SNAI1: variants seen among roughly 807,000 people sequenced by gnomAD.
SNAI1 encodes the protein zinc finger protein SNAI1.
A neutral mutation model predicts 24.7 loss-of-function variants in SNAI1; 15 were observed. The ratio of observed to expected loss-of-function variants is 0.61; its 90% CI spans 0.41 to 0.93. The LOEUF is 0.93. Ranked by LOEUF, SNAI1 falls within the 40% of genes least tolerant of loss-of-function variation. The pLI, the probability that SNAI1 is intolerant of heterozygous loss-of-function variation, is 0.00. For missense variants in SNAI1, 283 were observed against 336.7 expected, an observed-to-expected ratio of 0.84 and a Z score of 1.25; for synonymous variants, 163 against 142.9, an observed-to-expected ratio of 1.14 and a Z score of -1.00.
At position 49,984,125 on chromosome 20, in the gene SNAI1, C is replaced by T. The variant is rs2078326530; in HGVS notation, c.384C>T (p.Ala128=). ...VSSLEAEAYA[A]FPGLGQVPKQ... ...CCTTGGAGGCCGAGGCCTATGCTGCCTTCCCAGGCTTGGGCCAAGTGCCCA... is the reference window on the plus strand; with the variant it reads ...CCTTGGAGGCCGAGGCCTATGCTGCTTTCCCAGGCTTGGGCCAAGTGCCCA... Residue 128 remains alanine, a synonymous_variant, in exon 2 of 3, where the codon GCC becomes GCT. Coordinates refer to ENST00000244050, the MANE Select transcript of SNAI1 (RefSeq NM_005985.4). The T allele has an allele frequency of 1.2e-6, 2 of 1,614,232 alleles. No individual in the cohort carries two copies. Among genetic ancestry groups the T allele is most frequent in the Non-Finnish European group, 1.7e-6 (2 of 1,180,032 alleles).
chr20:49,984,310 C>G lies in SNAI1; in HGVS notation c.569C>G (p.Ser190Cys), dbSNP rs2146879206. Residue 190 changes from serine (S) to cysteine (C), a missense_variant, in exon 2 of 3, where the codon TCT becomes TGT. Coordinates refer to ENST00000244050, the MANE Select transcript of SNAI1 (RefSeq NM_005985.4). ...CVCGTCGKAF[S>C]RPWLLQGHVR... ...TGCGGAACCTGCGGGAAGGCCTTCT[C>G]TAGGCCCTGGCTGCTACAAGGCCAT... 2 of 1,611,660 alleles carry G rather than the reference C, an allele frequency of 1.2e-6. No homozygotes were observed. The highest frequency in any genetic ancestry group is 1.7e-6 in the Non-Finnish European group (2 of 1,179,080).
At chr20:49,983,776 TTGAG>T (rs1414728981) in intron 1 of SNAI1, 44 bp from the exon 2 acceptor site, 8 of 1,512,266 alleles carry the variant, frequency 5.3e-6, no homozygotes, top group African/African-American at 1.4e-5. Context: ...TGTTTGTTGA[TTGAG>T]TGAATGATTT....
At position 49,988,061 on chromosome 20, in the gene SNAI1, C is replaced by CGA. The variant is rs767077334; in HGVS notation, c.*7_*8dup. On this transcript the variant is annotated 3_prime_UTR_variant, in exon 3 of 3. Coordinates refer to ENST00000244050, the MANE Select transcript of SNAI1 (RefSeq NM_005985.4). ...TGCTCAGGATGTCCCCGCTGACCCT[C>CGA]GAGGCTCCCTCTTCCTCTCCATACC... 4 of 1,583,766 alleles carry CGA rather than the reference C, an allele frequency of 2.5e-6. No homozygotes were observed. In the South Asian group the frequency reaches 4.7e-5, roughly 18 times the overall value.
rs2078342956 is a variant in SNAI1 at position 49,988,820 on chromosome 20, A to G, written c.*764A>G. The G allele has an allele frequency of 6.6e-6, 1 of 152,620 alleles. No homozygotes were observed. The highest frequency in any genetic ancestry group is 2.1e-4 in the South Asian group (1 of 4,832). 9.5% of individuals were successfully genotyped at this position (152,620 alleles called of 1,614,324 possible). A position where few individuals can be genotyped will look rare whatever the true frequency, so the allele number is the denominator to read the frequency against. The stretch of plus-strand genomic sequence containing the variant: ...ATTTCAAACATTTTGTATCAAGGAA[A>G]CGTTTTGTATAGTTATATGTACAGT... On this transcript the variant is annotated 3_prime_UTR_variant, in exon 3 of 3. Transcript: ENST00000244050.
Position 49,987,980 on chromosome 20 carries a change from C to A in SNAI1, c.719C>A (p.Ala240Glu). ...HSDVKKYQCQACARTFSRMSL... is the reference protein window; with the variant it reads ...HSDVKKYQCQECARTFSRMSL... ...GATGTCAAGAAGTACCAGTGCCAGG[C>A]GTGTGCTCGGACCTTCTCCCGAATG... is the stretch of plus-strand genomic sequence containing the variant. Residue 240 changes from alanine (A) to glutamate (E), a missense_variant, in exon 3 of 3, where the codon GCG (alanine) becomes GAG (glutamate). By Grantham distance (107) the Ala-to-Glu change is moderately radical. Transcript: ENST00000244050. 1 of 1,613,998 alleles carries A rather than the reference C, an allele frequency of 6.2e-7. No individual in the cohort carries two copies. Among genetic ancestry groups the A allele is most frequent in the Non-Finnish European group, 8.5e-7 (1 of 1,179,958 alleles).
intron 2 of SNAI1, among the ~76,000 whole-genome samples, chr20:49,986,245 C>G: frequency 6.6e-6 from 1 of 152,186 alleles, no homozygotes; most frequent in East Asian, 1.9e-4. Context: ...TGAGTAATGG[C>G]AGAGTGGAGT....
chr20:49,985,135 C>T (rs919098640), intron 2 of SNAI1, among the ~76,000 whole-genome samples: 1 of 152,166 alleles, frequency 6.6e-6, no homozygotes, highest in African/African-American at 2.4e-5. Flanking sequence ...ATCTTTGGGG[C>T]AGAAAACACA....
chr20:49,984,551 C>T (rs569120827), intron 2 of SNAI1, among the ~76,000 whole-genome samples, 200 bp downstream of exon 2: 1 of 152,384 alleles, frequency 6.6e-6, no homozygotes, highest in Admixed American at 6.5e-5. Flanking sequence ...AAAGCAGACA[C>T]CTTCCCAATC....
chr20:49,983,011 C>A lies in SNAI1; in HGVS notation c.-49C>A, dbSNP rs528419106. The A allele has an allele frequency of 2.2e-6, 3 of 1,340,632 alleles. No homozygotes were observed. Among genetic ancestry groups the A allele is most frequent in the African/African-American group, 1.5e-5 (1 of 68,610 alleles). The allele number at this position is 1,340,632 out of a possible 1,614,324, so 83.0% of individuals were successfully genotyped here. A position where few individuals can be genotyped will look rare whatever the true frequency, so the allele number is the denominator to read the frequency against. On this transcript the variant is annotated 5_prime_UTR_variant, in exon 1 of 3. Coordinates refer to ENST00000244050, the MANE Select transcript of SNAI1 (RefSeq NM_005985.4). The stretch of plus-strand genomic sequence containing the variant: ...CCGCGGCACGGCCTAGCGAGTGGTT[C>A]TTCTGCGCTACTGCTGCGCGAATCG...
rs2078326917 is a variant in SNAI1, at chr20:49,984,217, G to C, written c.476G>C (p.Cys159Ser). The C allele has an allele frequency of 6.2e-7, 1 of 1,614,010 alleles. No homozygotes were observed. The highest frequency in any genetic ancestry group is 1.3e-5 in the African/African-American group (1 of 74,910). The stretch of plus-strand genomic sequence containing the variant: ...CGAAAGGCCTTCAACTGCAAATACT[G>C]CAACAAGGAATACCTCAGCCTGGGT... Reference protein sequence around the residue: ...QARKAFNCKYCNKEYLSLGAL... With the variant: ...QARKAFNCKYSNKEYLSLGAL... Residue 159 changes from cysteine to serine, a missense_variant, in exon 2 of 3, where the codon TGC (cysteine) becomes TCC (serine). Transcript: ENST00000244050.
chr20:49,988,187 C>A lies in SNAI1; in HGVS notation c.*131C>A. The A allele has an allele frequency of 2.6e-6, 2 of 757,976 alleles. No individual in the cohort carries two copies. Among genetic ancestry groups the A allele is most frequent in the South Asian group, 1.9e-5 (1 of 53,242 alleles). 47.0% of individuals were successfully genotyped at this position (757,976 alleles called of 1,614,324 possible). A position where few individuals can be genotyped will look rare whatever the true frequency, so the allele number is the denominator to read the frequency against. On this transcript the variant is annotated 3_prime_UTR_variant, in exon 3 of 3. Transcript: ENST00000244050. ...CTGAGTGCCCCACTTCTGGCCACAT[C>A]AGCCCCACAGGACTTTGATGAAGAC...
At position 49,988,240 on chromosome 20, in the gene SNAI1, G is replaced by A. The variant is rs41283592; in HGVS notation, c.*184G>A. 3,735 of 584,226 alleles carry A rather than the reference G, an allele frequency of 6.4e-3. 16 individuals carry two copies. Among genetic ancestry groups the A allele is most frequent in the Middle Eastern group, 0.018 (44 of 2,446 alleles). 36.2% of individuals were successfully genotyped at this position (584,226 alleles called of 1,614,324 possible). ...TTTTCTGGTTCTGTGTCCTCTGCCT[G>A]GGCTCTGGAAGAGGCCTTCCCATGG... On this transcript the variant is annotated 3_prime_UTR_variant, in exon 3 of 3. Transcript: ENST00000244050.
chr20:49,987,824 A>C, intron 2 of SNAI1, 48 bp from the exon 3 acceptor site: 3 of 1,568,426 alleles, frequency 1.9e-6, no homozygotes, highest in Non-Finnish European at 2.6e-6. Context: ...CATCACTGCC[A>C]GCCGTTGTCC....
chr20:49,988,333 G>C lies in SNAI1; in HGVS notation c.*277G>C. The stretch of plus-strand genomic sequence containing the variant: ...GATTCCTGAGCTGGCCTGTCTGCGT[G>C]GGTTTTTGTATCCAGAGCTGTTTGG... On this transcript the variant is annotated 3_prime_UTR_variant, in exon 3 of 3. Transcript: ENST00000244050. The C allele has an allele frequency of 2.4e-6, 1 of 409,082 alleles. No individual in the cohort carries two copies. Among genetic ancestry groups the C allele is most frequent in the Admixed American group, 4.1e-5 (1 of 24,170 alleles). 25.3% of individuals were successfully genotyped at this position (409,082 alleles called of 1,614,324 possible).
chr20:49,984,115 C>T lies in SNAI1; in HGVS notation c.374C>T (p.Ala125Val), dbSNP rs745445690. 3.5e-5 allele frequency: 56 copies of T among 1,614,112 alleles called. No homozygotes were observed. In the Admixed American group the frequency reaches 9.3e-4, roughly 27 times the overall value. ...TCAGTCTCTTCCTTGGAGGCCGAGG[C>T]CTATGCTGCCTTCCCAGGCTTGGGC... is the stretch of plus-strand genomic sequence containing the variant. ...STSVSSLEAE[A>V]YAAFPGLGQV... The change falls in exon 2 of 3, where the codon GCC (alanine) becomes GTC (valine). Residue 125 changes from alanine (A) to valine (V), a missense_variant. Transcript: ENST00000244050.
chr20:49,983,860 T>C lies in SNAI1; in HGVS notation c.119T>C (p.Leu40Pro). The change falls in exon 2 of 3, where the codon CTG (leucine) becomes CCG (proline). Residue 40 changes from leucine (L) to proline (P), a missense_variant. Leu to Pro is a moderately conservative substitution (Grantham distance 98). Transcript: ENST00000244050. ...TFQQPYDQAH[L>P]LAAIPPPEIL... ...CAGCAGCCCTACGACCAGGCCCACC[T>C]GCTGGCAGCCATCCCACCTCCGGAG... 1 of 1,610,122 alleles carries C rather than the reference T, an allele frequency of 6.2e-7. No individual in the cohort carries two copies. The highest frequency in any genetic ancestry group is 8.5e-7 in the Non-Finnish European group (1 of 1,178,470).
chr20:49,987,753 G>A, intron 2 of SNAI1, 119 bp from the exon 3 acceptor site: 1 of 922,720 alleles, frequency 1.1e-6, no homozygotes, highest in South Asian at 1.5e-5. Flanking sequence ...TTTGACGGAG[G>A]CCTGGCTTTC....
intron 2 of SNAI1, 117 bp from the exon 3 acceptor site, chr20:49,987,755 C>G (rs2078338512): frequency 2.1e-6 from 2 of 971,248 alleles, no homozygotes; most frequent in Admixed American, 4.0e-5. Flanking sequence ...TGACGGAGGC[C>G]TGGCTTTCCT....
In SNAI1 at chr20:49,984,272, G is replaced by T. The variant is rs1063210; in HGVS notation, c.531G>T (p.Thr177=). ...TCAAGATGCACATCCGAAGCCACAC[G>T]CTGCCCTGCGTCTGCGGAACCTGCG... ...GALKMHIRSH[T]LPCVCGTCGK... Residue 177 remains threonine (T), a synonymous_variant, in exon 2 of 3, where the codon ACG becomes ACT. Transcript: ENST00000244050. 71 of 1,613,680 alleles carry T rather than the reference G, an allele frequency of 4.4e-5. No individual in the cohort carries two copies. The highest frequency in any genetic ancestry group is 5.6e-5 in the Non-Finnish European group (66 of 1,179,922).
Sources: gnomAD v4.1 joint callset for allele counts (sites outside exome capture counted in the v4.1 genomes callset) on GRCh38, gnomAD v4.1.1 for gene constraint, MANE v1.5 for transcripts, NCBI Gene and HGNC (gene_info 2026-07-23, HGNC 2026-07-21) for gene names.